Variants in LPIN1 observed in about 807,000 individuals in gnomAD.
LPIN1 encodes lipin 1.
LPIN1 carries 71 observed loss-of-function variants against 107.5 expected under a neutral mutation model. The observed-to-expected ratio is 0.66, with a 90% CI of 0.55 to 0.80. LPIN1 has a LOEUF of 0.80. LPIN1 is among the 30% of genes least tolerant of loss of function. LPIN1 has a pLI of 0.00. For missense variants in LPIN1, 1,043 were observed against 1,160.6 expected, an observed-to-expected ratio of 0.90 and a Z score of 1.47; for synonymous variants, 445 against 452.6, an observed-to-expected ratio of 0.98 and a Z score of 0.21.
At position 11,767,629 on chromosome 2, in the gene LPIN1, C is replaced by CT. The variant is rs1572693254; in HGVS notation, c.193-133dup. On this transcript the variant is annotated intron_variant, in intron 2 of 20. Transcript: ENST00000674199. Reference sequence around the variant, plus strand: ...AGTTCCCTTGGATGGGACGGCCTGACTGAGACTGGGAGTTGTGTGGCACTT... The same window carrying CT: ...AGTTCCCTTGGATGGGACGGCCTGACTTGAGACTGGGAGTTGTGTGGCACTT... The CT allele has an allele frequency of 5.7e-5, 41 of 717,888 alleles. No homozygotes were observed. The East Asian group carries it at 1.0e-3, about 18-fold the overall frequency. The allele number at this position is 717,888 out of a possible 1,614,324, so 44.5% of individuals were successfully genotyped here. A position where few individuals can be genotyped will look rare whatever the true frequency, so the allele number is the denominator to read the frequency against.
chr2:11,688,172 TG>T (rs1662100548), intron 1 of LPIN1, among the ~76,000 whole-genome samples: 1 of 152,198 alleles, frequency 6.6e-6, no homozygotes. Context: ...TGTCTATAAA[TG>T]GAATAAGAAT....
At chr2:11,711,103 C>T (rs1336691850) in intron 1 of LPIN1, among the ~76,000 whole-genome samples, 2 of 152,178 alleles carry the variant, frequency 1.3e-5, no homozygotes, top group Admixed American at 1.3e-4. Context: ...AAACTGCTGG[C>T]AGCCTTCCTA....
intron 1 of LPIN1, among the ~76,000 whole-genome samples, chr2:11,710,650 T>C (rs190054820): frequency 3.3e-5 from 5 of 152,332 alleles, no homozygotes; most frequent in Non-Finnish European, 7.4e-5. Context: ...ATCAGTTCTA[T>C]GAGGTAAGTA....
At chr2:11,822,036 G>C (rs1047575783) in intron 20 of LPIN1, among the ~76,000 whole-genome samples, 2 of 152,118 alleles carry the variant, frequency 1.3e-5, no homozygotes, top group African/African-American at 4.8e-5. Context: ...CATTCCCCAG[G>C]CTGGAGAGGA....
chr2:11,771,719 G>T lies in LPIN1; in HGVS notation c.596+40G>T. On this transcript the variant is annotated intron_variant, in intron 4 of 20. Transcript: ENST00000674199. This position sits in a 1 kb window ranked among gnomAD's most constrained non-coding sequence, Gnocchi z 4.8. ...GGGTGGAGGGGCTGTGCCAGAATCA[G>T]ACAGTTAACTGTTCAAGATTATTTT... is the stretch of plus-strand genomic sequence containing the variant. 1 of 1,521,260 alleles carries T rather than the reference G, an allele frequency of 6.6e-7. No homozygotes were observed. Among genetic ancestry groups the T allele is most frequent in the East Asian group, 2.4e-5 (1 of 42,520 alleles). The allele number at this position is 1,521,260 out of a possible 1,614,324, so 94.2% of individuals were successfully genotyped here. A position where few individuals can be genotyped will look rare whatever the true frequency, so the allele number is the denominator to read the frequency against.
In LPIN1 at chr2:11,815,210, G is replaced by A; in HGVS notation, c.2372G>A (p.Ser791Asn). 3.7e-6 allele frequency: 6 copies of A among 1,614,172 alleles called. No homozygotes were observed. The highest frequency in any genetic ancestry group is 1.7e-5 in the Admixed American group (1 of 60,030). ...CTGCCCCAGGGGCCCCTGCTGCTGA[G>A]TCCCAGCAGCCTCTTCTCTGCCCTG... The part of the protein sequence containing the change: ...TVLPQGPLLL[S>N]PSSLFSALHR... Residue 791 changes from serine (S) to asparagine (N), a missense_variant, in exon 18 of 21, where the codon AGT (serine) becomes AAT (asparagine). Transcript: ENST00000674199.
At chr2:11,763,965 G>C (rs891606854) in intron 1 of LPIN1, among the ~76,000 whole-genome samples, 3 of 33,988 alleles carry the variant, frequency 8.8e-5, no homozygotes, top group Non-Finnish European at 2.1e-4. Context: ...ATATATTTTA[G>C]TGTGTGTGTG....
intron 16 of LPIN1, 125 bp downstream of exon 16, chr2:11,804,696 G>GAGCTCCTTACGTAGTTTC: frequency 9.9e-7 from 1 of 1,011,662 alleles, no homozygotes; most frequent in East Asian, 2.4e-5. Context: ...GGTGCAGTTG[G>GAGCTCCTTACGTAGTTTC]AGCTCCTTAC....
intron 1 of LPIN1, among the ~76,000 whole-genome samples, chr2:11,693,320 G>A (rs559271439): frequency 6.6e-6 from 1 of 151,918 alleles, no homozygotes; most frequent in East Asian, 1.9e-4. Context: ...CCAGGCTTGG[G>A]AAACACTGAT....
intron 1 of LPIN1, among the ~76,000 whole-genome samples, chr2:11,737,870 G>A (rs1452863413): frequency 6.6e-6 from 1 of 152,150 alleles, no homozygotes; most frequent in African/African-American, 2.4e-5. Context: ...ATTTGACCCA[G>A]CAATCCCATT....
At chr2:11,724,454 G>T in exon 1 of LPIN1, 1 of 985,850 alleles carries the variant, frequency 1.0e-6, no homozygotes, top group South Asian at 4.7e-5. Context: ...AGCCATGCCT[G>T]TCCTAACAGC....
intron 1 of LPIN1, among the ~76,000 whole-genome samples, chr2:11,759,616 A>C (rs1019433156): frequency 2.6e-5 from 4 of 152,200 alleles, no homozygotes; most frequent in Non-Finnish European, 1.5e-5. Flanking sequence ...TGATTTCTCT[A>C]TCTTTTCCCC....
intron 17 of LPIN1, among the ~76,000 whole-genome samples, chr2:11,810,361 C>T (rs1679438990): frequency 6.6e-6 from 1 of 151,812 alleles, no homozygotes; most frequent in East Asian, 1.9e-4. Context: ...GAGAGGAAAG[C>T]TCACCACAGG....
upstream of LPIN1, among the ~76,000 whole-genome samples, chr2:11,720,769 G>A (rs976202539): frequency 1.3e-5 from 2 of 152,056 alleles, no homozygotes; most frequent in Admixed American, 1.3e-4. Context: ...CAGTGTGTGT[G>A]TCTGGCAGAG....
chr2:11,785,357 G>C (rs1457611883), intron 10 of LPIN1, among the ~76,000 whole-genome samples: 1 of 152,200 alleles, frequency 6.6e-6, no homozygotes, highest in African/African-American at 2.4e-5. Context: ...AGGCTAGAGG[G>C]GGTGTCAGTC....
At position 11,786,656 on chromosome 2, in the gene LPIN1, G is replaced by A. The variant is rs1175350178; in HGVS notation, c.1550-418G>A. ...AAGCAGATGTGGTTATTATCCCCAT[G>A]CTAGAGGAGGGAACTGGGGCCTGGG... On this transcript the variant is annotated intron_variant, in intron 10 of 20. Coordinates refer to ENST00000674199, the MANE Select transcript of LPIN1 (RefSeq NM_001349206.2). The surrounding 1 kb of genome is among the most constrained non-coding windows in gnomAD (Gnocchi z 4.1). Among the ~76,000 whole-genome samples the A allele has an allele frequency of 6.6e-6, 1 of 152,196 alleles. No homozygotes were observed. Among genetic ancestry groups the A allele is most frequent in the Non-Finnish European group, 1.5e-5 (1 of 68,018 alleles).
Position 11,795,150 on chromosome 2 carries a change from C to T in LPIN1, c.1807-258C>T, listed in dbSNP as rs10177523. Reference sequence around the variant, plus strand: ...GATGATGGAGTTTGGTTTGGTGCCACAAACACTTATGGATAACAGATTCGT... The same window carrying T: ...GATGATGGAGTTTGGTTTGGTGCCATAAACACTTATGGATAACAGATTCGT... On this transcript the variant is annotated intron_variant, in intron 13 of 20. Coordinates refer to ENST00000674199, the MANE Select transcript of LPIN1 (RefSeq NM_001349206.2). Among the ~76,000 whole-genome samples, 1,594 of 152,310 alleles carry T rather than the reference C, an allele frequency of 0.01. 40 individuals are homozygous for T. The highest frequency in any genetic ancestry group is 0.036 in the African/African-American group (1,517 of 41,572).
intron 4 of LPIN1, among the ~76,000 whole-genome samples, chr2:11,772,396 G>C (rs1368947921): frequency 6.6e-6 from 1 of 152,196 alleles, no homozygotes; most frequent in East Asian, 1.9e-4. Flanking sequence ...AAACCTCCTT[G>C]GCTGATCGCT....
intron 1 of LPIN1, among the ~76,000 whole-genome samples, chr2:11,705,992 C>T (rs1311222204): frequency 2.0e-5 from 3 of 152,100 alleles, no homozygotes; most frequent in Non-Finnish European, 4.4e-5. Flanking sequence ...GAATGAATCT[C>T]GCAAGATCTG....
Sources: allele counts gnomAD v4.1 joint callset (sites outside exome capture counted in the v4.1 genomes callset), GRCh38; gene constraint gnomAD v4.1.1; non-coding constraint Gnocchi (gnomAD v3.1); transcripts MANE v1.5; gene names NCBI Gene and HGNC (gene_info 2026-07-23, HGNC 2026-07-21).